TYW5: variants seen among roughly 807,000 people sequenced by gnomAD.
TYW5 encodes tRNA wybutosine-synthesizing protein 5.
In TYW5, 36 loss-of-function variants were observed where a neutral mutation model predicts 44.4. The ratio of observed to expected loss-of-function variants is 0.81; its 90% CI spans 0.62 to 1.07. TYW5 has a LOEUF of 1.07. Ranked by LOEUF, TYW5 falls within the 50% of genes least tolerant of loss-of-function variation. TYW5 has a pLI of 0.00. For missense variants in TYW5, 354 were observed against 365.7 expected (o/e 0.97, Z 0.26); for synonymous variants, 121 against 128.1 (o/e 0.94, Z 0.37).
At chr2:199,935,858 A>AC in intron 7 of TYW5, 73 bp downstream of exon 7, 1 of 1,021,042 alleles carries the variant, frequency 9.8e-7, no homozygotes, top group Non-Finnish European at 1.5e-6. Flanking sequence ...CTAAAAAAAA[A>AC]AAATCACATG....
At chr2:199,936,986 A>G (rs1465742814) in intron 5 of TYW5, among the ~76,000 whole-genome samples, 1 of 152,202 alleles carries the variant, frequency 6.6e-6, no homozygotes, top group Non-Finnish European at 1.5e-5. Flanking sequence ...ATAGGAATAT[A>G]ATCTCACAGA....
rs1043212240 is a variant in TYW5, at chr2:199,938,551, T to G, written c.486+382A>C. ...CATGACCCAGAGAGTTATGGATCTCTGGGTAGCCAGAGTCATGTGTATCAT... is the reference window on the plus strand; with the variant it reads ...CATGACCCAGAGAGTTATGGATCTCGGGGTAGCCAGAGTCATGTGTATCAT... On this transcript the variant is annotated intron_variant, in intron 5 of 7. Transcript: ENST00000354611. 5.9e-5 allele frequency among the ~76,000 whole-genome samples: 9 copies of G among 152,312 alleles called. No individual in the cohort carries two copies. The South Asian group carries it at 1.9e-3, about 32-fold the overall frequency.
intron 5 of TYW5, among the ~76,000 whole-genome samples, chr2:199,937,835 G>A (rs1297124310): frequency 6.6e-6 from 1 of 152,110 alleles, no homozygotes; most frequent in Non-Finnish European, 1.5e-5. Context: ...ATCCTCCCAA[G>A]AGGGTCTCAA....
Position 199,933,139 on chromosome 2 carries a change from T to C in TYW5, c.876A>G (p.Glu292=). ...ALKTLAELPE[E]YRDFYARRMV... is the part of the protein sequence containing the mutation. ...TTCGTCGTGCATAGAAGTCCCTATA[T>C]TCCTCTGGTAACTCGGCCAGTGTTT... Residue 292 remains glutamate (E), a synonymous_variant, in exon 8 of 8, where the codon GAA becomes GAG. Transcript: ENST00000354611. 6.2e-7 allele frequency: 1 copy of C among 1,614,166 alleles called. No individual in the cohort carries two copies.
At chr2:199,955,330 C>G (rs2077588182) in intron 1 of TYW5, 63 bp downstream of exon 1, 2 of 1,571,098 alleles carry the variant, frequency 1.3e-6, no homozygotes, top group African/African-American at 2.7e-5. Flanking sequence ...TCCCAGCTGT[C>G]CGAAAGGTAA....
In TYW5 at chr2:199,930,049, C is replaced by T. The variant is rs1269693379; in HGVS notation, c.*3018G>A. The T allele has an allele frequency of 6.7e-6, 1 of 148,820 alleles. No individual in the cohort carries two copies. Among genetic ancestry groups the T allele is most frequent in the Non-Finnish European group, 1.5e-5 (1 of 68,258 alleles). The allele number at this position is 148,820 out of a possible 1,614,324, so 9.2% of individuals were successfully genotyped here. ...GGAGTGCAGTTGCACAATTCCAGCTCACTGCAACCTGCACCTCCCAGGCTC... is the reference window on the plus strand; with the variant it reads ...GGAGTGCAGTTGCACAATTCCAGCTTACTGCAACCTGCACCTCCCAGGCTC... On this transcript the variant is annotated 3_prime_UTR_variant, in exon 8 of 8. Coordinates refer to ENST00000354611, the MANE Select transcript of TYW5 (RefSeq NM_001039693.3).
At chr2:199,947,952 C>T (rs755545329) in intron 2 of TYW5, 1 of 185,032 alleles carries the variant, frequency 5.4e-6, no homozygotes, top group Admixed American at 5.9e-5. Context: ...GTTAGCTAGG[C>T]ATAGTGGCAT....
chr2:199,939,076 T>C lies in TYW5; in HGVS notation c.349-6A>G. On this transcript the variant is annotated splice_region_variant and splice_polypyrimidine_tract_variant and intron_variant, in intron 4 of 7. Coordinates refer to ENST00000354611, the MANE Select transcript of TYW5 (RefSeq NM_001039693.3). ...TTTCTGATATCTGCAACATCCTGCA[T>C]TTACAGAAACATAAAAAGAAAAAAT... The C allele has an allele frequency of 1.3e-6, 2 of 1,590,182 alleles. No homozygotes were observed. Among genetic ancestry groups the C allele is most frequent in the African/African-American group, 1.4e-5 (1 of 73,152 alleles).
chr2:199,931,545 A>G lies in TYW5; in HGVS notation c.*1522T>C, dbSNP rs554097039. ...AAGAAGTTCTTTGCTTTGCTTAATG[A>G]AGATCAAAACCTGGTAATTAAATTT... On this transcript the variant is annotated 3_prime_UTR_variant, in exon 8 of 8. Transcript: ENST00000354611. 92 of 152,314 alleles carry G rather than the reference A, an allele frequency of 6.0e-4. 1 individual carries two copies. Among genetic ancestry groups the G allele is most frequent in the African/African-American group, 2.0e-3 (82 of 41,590 alleles). The allele number at this position is 152,314 out of a possible 1,614,324, so 9.4% of individuals were successfully genotyped here.
chr2:199,934,200 A>G (rs1209433009), intron 7 of TYW5, among the ~76,000 whole-genome samples: 1 of 152,086 alleles, frequency 6.6e-6, no homozygotes, highest in Non-Finnish European at 1.5e-5. Context: ...ATTTTCAAAC[A>G]TGGTTTTAAT....
chr2:199,953,100 T>C (rs1229312821), intron 1 of TYW5, among the ~76,000 whole-genome samples: 1 of 152,092 alleles, frequency 6.6e-6, no homozygotes. Context: ...GATGGGCGGA[T>C]CACCTGAGGT....
In TYW5 at chr2:199,954,622, T is replaced by C. The variant is rs570009946; in HGVS notation, c.78+771A>G. ...GCTAATTTTGTATTTTTAGTAGAGA[T>C]GGGATTTCTACTGGCTGGTCTTGAA... On this transcript the variant is annotated intron_variant, in intron 1 of 7. Coordinates refer to ENST00000354611, the MANE Select transcript of TYW5 (RefSeq NM_001039693.3). Among the ~76,000 whole-genome samples, 6 of 151,896 alleles carry C rather than the reference T, an allele frequency of 4.0e-5. No individual in the cohort carries two copies. In the South Asian group the frequency reaches 1.2e-3, roughly 32 times the overall value.
chr2:199,950,783 G>A (rs990988627), intron 1 of TYW5, among the ~76,000 whole-genome samples: 1 of 152,120 alleles, frequency 6.6e-6, no homozygotes, highest in African/African-American at 2.4e-5. Context: ...GAAATAAGCA[G>A]GTTGGAAAAT....
chr2:199,945,839 C>CTG (rs1264939142), intron 2 of TYW5: 1 of 152,170 alleles, frequency 6.6e-6, no homozygotes, highest in African/African-American at 2.4e-5. Flanking sequence ...GTAATGGTAC[C>CTG]TGTCATAGCT....
chr2:199,953,794 G>A (rs1321501821), intron 1 of TYW5, among the ~76,000 whole-genome samples: 2 of 152,188 alleles, frequency 1.3e-5, no homozygotes, highest in African/African-American at 4.8e-5. Context: ...CATGGCCAGA[G>A]AAAGTTGTTT....
At chr2:199,953,625 T>C (rs1334400484) in intron 1 of TYW5, among the ~76,000 whole-genome samples, 1 of 152,248 alleles carries the variant, frequency 6.6e-6, no homozygotes, top group Non-Finnish European at 1.5e-5. Context: ...CCTTGGTCTA[T>C]CTATTCATGT....
intron 1 of TYW5, among the ~76,000 whole-genome samples, chr2:199,951,402 C>A (rs2077543722): frequency 6.6e-6 from 1 of 152,104 alleles, no homozygotes. Context: ...TAAACAGATT[C>A]ATGTGTTACT....
chr2:199,954,630 C>T (rs1321591437), intron 1 of TYW5, among the ~76,000 whole-genome samples: 3 of 151,852 alleles, frequency 2.0e-5, no homozygotes, highest in African/African-American at 7.3e-5. Context: ...GATGGGATTT[C>T]TACTGGCTGG....
intron 2 of TYW5, 37 bp from the exon 3 acceptor site, chr2:199,943,871 T>C (rs1404646869): frequency 6.6e-7 from 1 of 1,506,228 alleles, no homozygotes; most frequent in Non-Finnish European, 9.1e-7. Flanking sequence ...GACTTAATAA[T>C]AACAGATCAA....
Sources: gnomAD v4.1 joint callset for allele counts (sites outside exome capture counted in the v4.1 genomes callset) on GRCh38, gnomAD v4.1.1 for gene constraint, MANE v1.5 for transcripts, NCBI Gene and HGNC (gene_info 2026-07-23, HGNC 2026-07-21) for gene names.